Variants in PRICKLE2 observed in about 807,000 individuals in gnomAD.
The protein encoded by PRICKLE2 is prickle-like protein 2.
A neutral mutation model predicts 81.4 loss-of-function variants in PRICKLE2; 21 were observed. The observed-to-expected ratio is 0.26, with a 90% CI of 0.18 to 0.37. PRICKLE2 has a LOEUF of 0.37. PRICKLE2 is among the 10% of genes least tolerant of loss of function. The pLI, the probability that PRICKLE2 is intolerant of heterozygous loss-of-function variation, is 1.00. For missense variants in PRICKLE2, 940 were observed against 1,109.0 expected (o/e 0.85, Z 2.16); for synonymous variants, 456 against 421.5 (o/e 1.08, Z -1.00).
Position 64,098,912 on chromosome 3 carries a change from T to G in PRICKLE2, c.*139A>C. The G allele has an allele frequency of 1.1e-6, 1 of 890,946 alleles. No individual in the cohort carries two copies. Among genetic ancestry groups the G allele is most frequent in the African/African-American group, 1.6e-5 (1 of 60,712 alleles). The allele number at this position is 890,946 out of a possible 1,614,324, so 55.2% of individuals were successfully genotyped here. A position where few individuals can be genotyped will look rare whatever the true frequency, so the allele number is the denominator to read the frequency against. On this transcript the variant is annotated 3_prime_UTR_variant, in exon 8 of 8. Coordinates refer to ENST00000638394, the MANE Select transcript of PRICKLE2 (RefSeq NM_198859.4). ...TACCTATTGAGTCAACCTGTAACCT[T>G]GCCTCCATCTACTGACAGCATTTTC...
At chr3:64,242,758 G>A (rs2079286085) in intron 2 of PRICKLE2, among the ~76,000 whole-genome samples, 1 of 152,252 alleles carries the variant, frequency 6.6e-6, no homozygotes, top group South Asian at 2.1e-4. Flanking sequence ...CTAAGACAGT[G>A]AGCATCAGTC....
chr3:64,254,101 A>C (rs2079490399), intron 2 of PRICKLE2, among the ~76,000 whole-genome samples: 1 of 152,196 alleles, frequency 6.6e-6, no homozygotes, highest in Non-Finnish European at 1.5e-5. Flanking sequence ...CATTCTCCAG[A>C]GTGTTCTAAT....
chr3:64,228,052 G>C (rs1315385625), upstream of PRICKLE2, among the ~76,000 whole-genome samples: 1 of 152,130 alleles, frequency 6.6e-6, no homozygotes, highest in African/African-American at 2.4e-5. Flanking sequence ...AAATGACCAA[G>C]AGGCGGGCTC....
intron 1 of PRICKLE2, among the ~76,000 whole-genome samples, chr3:64,212,682 C>G (rs1379453744): frequency 6.6e-6 from 1 of 152,166 alleles, no homozygotes; most frequent in Non-Finnish European, 1.5e-5. Context: ...GGCTCAAATC[C>G]TAACTTCACT....
chr3:64,133,623 G>A (rs1251722288), intron 7 of PRICKLE2, among the ~76,000 whole-genome samples: 3 of 152,138 alleles, frequency 2.0e-5, no homozygotes, highest in Admixed American at 6.5e-5. Context: ...GGAAGGCTGA[G>A]CTCTGTGAAC....
At chr3:64,127,281 G>A (rs1485041074) in intron 7 of PRICKLE2, among the ~76,000 whole-genome samples, 3 of 152,120 alleles carry the variant, frequency 2.0e-5, no homozygotes, top group Non-Finnish European at 4.4e-5. Flanking sequence ...CCCCCATCCT[G>A]TAGTCACCAC....
At chr3:64,126,583 A>G (rs909992020) in intron 7 of PRICKLE2, among the ~76,000 whole-genome samples, 1 of 151,146 alleles carries the variant, frequency 6.6e-6, no homozygotes, top group Non-Finnish European at 1.5e-5. Flanking sequence ...GTTTCTTTTT[A>G]TTTTTCTTTT....
intron 4 of PRICKLE2, 118 bp from the exon 5 acceptor site, chr3:64,157,483 C>T: frequency 9.7e-7 from 1 of 1,036,150 alleles, no homozygotes; most frequent in Non-Finnish European, 1.5e-6. Context: ...TCAAAGCAGT[C>T]ACTATGCTTC....
At chr3:64,237,708 T>C in intron 2 of PRICKLE2, among the ~76,000 whole-genome samples, 1 of 152,208 alleles carries the variant, frequency 6.6e-6, no homozygotes, top group South Asian at 2.1e-4. Flanking sequence ...GGCTTGAGGG[T>C]AGGGCTTCAC....
rs1467882584 is a variant in PRICKLE2, at chr3:64,099,439, G to A, written c.2147C>T (p.Pro716Leu). The change falls in exon 8 of 8, where the codon CCT (proline) becomes CTT (leucine). Residue 716 changes from proline to leucine, a missense_variant. Physicochemically the swap from Pro to Leu is moderately conservative, Grantham distance 98. Coordinates refer to ENST00000638394, the MANE Select transcript of PRICKLE2 (RefSeq NM_198859.4). The surrounding 1 kb of genome is among the most constrained non-coding windows in gnomAD (Gnocchi z 4.3). ...GTCATAGTCCTCCCTGGCTCTCAGAGGGGGCCTATCTTTTAACCGGGAGAT... is the reference window on the plus strand; with the variant it reads ...GTCATAGTCCTCCCTGGCTCTCAGAAGGGGCCTATCTTTTAACCGGGAGAT... The part of the protein sequence containing the change: ...EAISRLKDRP[P>L]LRAREDYDQF... 6.3e-7 allele frequency: 1 copy of A among 1,588,296 alleles called. No homozygotes were observed. The highest frequency in any genetic ancestry group is 1.7e-5 in the Admixed American group (1 of 57,700).
rs2078657918 is a variant in PRICKLE2 at position 64,205,034 on chromosome 3, A to G, written c.-40-6067T>C. ...TATTCGGAAGTGTGTGGGGAAATAT[A>G]TGATTTGGCTTTTTTTTTAAATAGA... On this transcript the variant is annotated intron_variant, in intron 1 of 7. Transcript: ENST00000638394. 4.0e-5 allele frequency among the ~76,000 whole-genome samples: 6 copies of G among 151,486 alleles called. No homozygotes were observed. The South Asian group carries it at 1.3e-3, about 32-fold the overall frequency.
intron 2 of PRICKLE2, 102 bp from the exon 3 acceptor site, chr3:64,163,231 T>TCTGCAGTCCTGACTC: frequency 5.1e-6 from 4 of 790,708 alleles, no homozygotes; most frequent in Non-Finnish European, 9.2e-6. Flanking sequence ...GTAACTGACT[T>TCTGCAGTCCTGACTC]CTGCAGTCCT....
At chr3:64,233,833 C>T (rs571449516) in intron 2 of PRICKLE2, among the ~76,000 whole-genome samples, 2 of 152,298 alleles carry the variant, frequency 1.3e-5, no homozygotes, top group Admixed American at 6.5e-5. Context: ...AGTCACTCCC[C>T]ACTTGTCCCA....
At chr3:64,264,802 G>A (rs1441890087) in intron 2 of PRICKLE2, among the ~76,000 whole-genome samples, 1 of 152,218 alleles carries the variant, frequency 6.6e-6, no homozygotes, top group Non-Finnish European at 1.5e-5. Context: ...GATGTGATAA[G>A]CAATGTCACG....
Position 64,109,339 on chromosome 3 carries a change from T to G in PRICKLE2, c.1661-9414A>C, listed in dbSNP as rs116769775. Among the ~76,000 whole-genome samples, 502 of 152,364 alleles carry G rather than the reference T, an allele frequency of 3.3e-3. 2 individuals are homozygous for G. The highest frequency in any genetic ancestry group is 0.012 in the African/African-American group (484 of 41,598). ...CCCAGTTAAGGCCTTTGCTGTCTAA[T>G]TTTCCTGGCAGGTTTGAAGCTTTTG... On this transcript the variant is annotated intron_variant, in intron 7 of 7. Coordinates refer to ENST00000638394, the MANE Select transcript of PRICKLE2 (RefSeq NM_198859.4).
intron 1 of PRICKLE2, among the ~76,000 whole-genome samples, chr3:64,217,048 G>A (rs1229928945): frequency 6.6e-6 from 1 of 152,204 alleles, no homozygotes. Flanking sequence ...GAGAGCTGTA[G>A]CTGAGGGCTA....
chr3:64,125,414 C>G (rs1231172932), intron 7 of PRICKLE2, among the ~76,000 whole-genome samples: 1 of 152,180 alleles, frequency 6.6e-6, no homozygotes. Flanking sequence ...AAAATGCTAT[C>G]AAACAGCATC....
At chr3:64,259,292 A>C (rs2079582117) in intron 2 of PRICKLE2, among the ~76,000 whole-genome samples, 1 of 152,194 alleles carries the variant, frequency 6.6e-6, no homozygotes, top group Non-Finnish European at 1.5e-5. Flanking sequence ...CACTTGTGCT[A>C]AGTGCACCAC....
intron 4 of PRICKLE2, 50 bp from the exon 5 acceptor site, chr3:64,157,415 G>T: frequency 6.4e-7 from 1 of 1,563,532 alleles, no homozygotes; most frequent in Non-Finnish European, 8.8e-7. Context: ...CCATCTCCCA[G>T]TGCTGTGCAT....
Sources: allele counts gnomAD v4.1 joint callset (sites outside exome capture counted in the v4.1 genomes callset), GRCh38; gene constraint gnomAD v4.1.1; non-coding constraint Gnocchi (gnomAD v3.1); transcripts MANE v1.5; gene names NCBI Gene and HGNC (gene_info 2026-07-23, HGNC 2026-07-21).